STK32B: variants seen among roughly 807,000 people sequenced by gnomAD.
STK32B encodes the protein serine/threonine-protein kinase 32B.
In STK32B, 43 loss-of-function variants were observed where a neutral mutation model predicts 52.6. That is an observed-to-expected ratio of 0.82 (90% CI 0.64 to 1.05). STK32B has a LOEUF of 1.05. STK32B is among the 50% of genes least tolerant of loss of function. STK32B has a pLI of 0.00. For missense variants in STK32B, 621 were observed against 534.6 expected (o/e 1.16, Z -1.59); for synonymous variants, 238 against 204.3 (o/e 1.17, Z -1.41).
chr4:5,465,437 A>T (rs1417730176), intron 9 of STK32B, among the ~76,000 whole-genome samples: 1 of 152,098 alleles, frequency 6.6e-6, no homozygotes, highest in African/African-American at 2.4e-5. Context: ...ACTGGCTGGC[A>T]TCAAGCAGAT....
intron 3 of STK32B, among the ~76,000 whole-genome samples, chr4:5,295,362 T>G (rs1007649568): frequency 6.6e-6 from 1 of 152,156 alleles, no homozygotes; most frequent in African/African-American, 2.4e-5. Flanking sequence ...CAGTTCCTTT[T>G]TATACCTCTG....
intron 3 of STK32B, among the ~76,000 whole-genome samples, chr4:5,285,950 A>G (rs1728514044): frequency 6.6e-6 from 1 of 152,188 alleles, no homozygotes; most frequent in Non-Finnish European, 1.5e-5. Context: ...TGAGGTCATT[A>G]GGACCCTCAT....
At chr4:5,120,237 G>C (rs558277457) in intron 1 of STK32B, among the ~76,000 whole-genome samples, 2 of 152,252 alleles carry the variant, frequency 1.3e-5, no homozygotes, top group African/African-American at 4.8e-5. Flanking sequence ...GATGATCCAG[G>C]ATCACCTGAA....
chr4:5,433,381 C>T (rs990291109), intron 6 of STK32B, among the ~76,000 whole-genome samples: 6 of 152,034 alleles, frequency 3.9e-5, no homozygotes, highest in Non-Finnish European at 7.4e-5. Flanking sequence ...TGAGTTGTGC[C>T]CATGGGACCT....
chr4:5,140,970 A>G lies in STK32B; in HGVS notation c.108+1010A>G, dbSNP rs143747925. The stretch of plus-strand genomic sequence containing the variant: ...TGGTACATTAGATAATGATAAGTAC[A>G]TTAAAATACAGTAAGGTAAGGGGAA... On this transcript the variant is annotated intron_variant, in intron 2 of 11. Transcript: ENST00000282908. 4.9e-3 allele frequency among the ~76,000 whole-genome samples: 741 copies of G among 152,356 alleles called. 2 individuals are homozygous for G. The highest frequency in any genetic ancestry group is 0.016 in the African/African-American group (680 of 41,582).
chr4:5,390,536 T>C (rs1360767623), intron 4 of STK32B, among the ~76,000 whole-genome samples: 2 of 152,198 alleles, frequency 1.3e-5, no homozygotes, highest in East Asian at 3.9e-4. Flanking sequence ...AGCCTGGCCC[T>C]GCTCAGAGGG....
intron 1 of STK32B, among the ~76,000 whole-genome samples, chr4:5,096,501 C>CA (rs1713400792): frequency 7.4e-6 from 1 of 134,948 alleles, no homozygotes; most frequent in Admixed American, 7.2e-5. Flanking sequence ...TTCCAACGGT[C>CA]ACCACACACA....
At chr4:5,468,135 A>G in intron 11 of STK32B, 65 bp downstream of exon 11, 2 of 1,543,178 alleles carry the variant, frequency 1.3e-6, no homozygotes. Flanking sequence ...TCCTCCTGGC[A>G]GAATCACAGT....
upstream of STK32B, among the ~76,000 whole-genome samples, chr4:5,047,505 A>G (rs1741643161): frequency 6.6e-6 from 1 of 152,236 alleles, no homozygotes; most frequent in Non-Finnish European, 1.5e-5. Flanking sequence ...GGTCTGATTG[A>G]TGGTTAATAG....
intron 4 of STK32B, among the ~76,000 whole-genome samples, chr4:5,357,374 A>G (rs79335663): frequency 0.1 from 15,777 of 152,184 alleles, 1,299 homozygotes; most frequent in Admixed American, 0.22. Context: ...CATGGGGCTC[A>G]CAGTTGGCCT....
intron 3 of STK32B, among the ~76,000 whole-genome samples, chr4:5,205,709 T>A (rs62298540): frequency 6.8e-6 from 1 of 146,552 alleles, no homozygotes; most frequent in African/African-American, 2.6e-5. Context: ...CGCGCGTGTG[T>A]GTGTGTGTGT....
At chr4:5,222,451 G>A (rs1328176144) in intron 3 of STK32B, among the ~76,000 whole-genome samples, 1 of 152,168 alleles carries the variant, frequency 6.6e-6, no homozygotes, top group African/African-American at 2.4e-5. Context: ...TTACTAAGTG[G>A]TCATGATCAG....
In STK32B at chr4:5,240,312, G is replaced by C. The variant is rs1007642796; in HGVS notation, c.260+71862G>C. Among the ~76,000 whole-genome samples, 5 of 151,206 alleles carry C rather than the reference G, an allele frequency of 3.3e-5. No homozygotes were observed. In the East Asian group the frequency reaches 7.8e-4, roughly 24 times the overall value. On this transcript the variant is annotated intron_variant, in intron 3 of 11. Transcript: ENST00000282908. ...CTTTTTTTTTCTGCTTTTTTCACTT[G>C]TGTGTGTGTTTCAGTTTGGATACAA...
Position 5,453,904 on chromosome 4 carries a change from TAAA to T in STK32B, c.667-2896_667-2894del, listed in dbSNP as rs778044900. 6.8e-6 allele frequency among the ~76,000 whole-genome samples: 1 copy of T among 148,042 alleles called. No individual in the cohort carries two copies. Among genetic ancestry groups the T allele is most frequent in the East Asian group, 2.4e-4 (1 of 4,200 alleles). ...TAGGCGACAAGAGTGAAACTCCATC[TAAA>T]AAAAAAGAAGTCCAAAACTGAACTC... On this transcript the variant is annotated intron_variant, in intron 7 of 11. Coordinates refer to ENST00000282908, the MANE Select transcript of STK32B (RefSeq NM_018401.3). The surrounding 1 kb of genome is among the most constrained non-coding windows in gnomAD (Gnocchi z 4.0).
At position 5,179,886 on chromosome 4, in the gene STK32B, C is replaced by T. The variant is rs574925603; in HGVS notation, c.260+11436C>T. On this transcript the variant is annotated intron_variant, in intron 3 of 11. Transcript: ENST00000282908. Reference sequence around the variant, plus strand: ...AGCCACGAGTCACATTGAGCCCTGGCGGGTCCCATTTCTCCTGCCAGCTGA... The same window carrying T: ...AGCCACGAGTCACATTGAGCCCTGGTGGGTCCCATTTCTCCTGCCAGCTGA... Among the ~76,000 whole-genome samples, 9 of 152,308 alleles carry T rather than the reference C, an allele frequency of 5.9e-5. No homozygotes were observed. The South Asian group carries it at 1.5e-3, about 25-fold the overall frequency.
chr4:5,365,473 T>G (rs1314403428), intron 4 of STK32B, among the ~76,000 whole-genome samples: 1 of 152,230 alleles, frequency 6.6e-6, no homozygotes, highest in East Asian at 1.9e-4. Flanking sequence ...AAATATAACC[T>G]CTTTTTATTC....
Position 5,381,556 on chromosome 4 carries a change from C to G in STK32B, c.435-16651C>G, listed in dbSNP as rs183073130. 3.3e-5 allele frequency among the ~76,000 whole-genome samples: 5 copies of G among 152,340 alleles called. No individual in the cohort carries two copies. The East Asian group carries it at 9.7e-4, about 29-fold the overall frequency. On this transcript the variant is annotated intron_variant, in intron 4 of 11. Transcript: ENST00000282908. ...AGTGTGGCATGGAAAATGTGGTCAG[C>G]ACATGCTAGGGGCTGGCCATCTTTG...
intron 3 of STK32B, among the ~76,000 whole-genome samples, chr4:5,314,741 A>G (rs1278079738): frequency 6.6e-6 from 1 of 152,222 alleles, no homozygotes; most frequent in African/African-American, 2.4e-5. Context: ...GAGAAAAAAC[A>G]TCATAGGAGA....
At position 5,396,304 on chromosome 4, in the gene STK32B, C is replaced by G. The variant is rs893256695; in HGVS notation, c.435-1903C>G. ...TCACTCCAGTATCTGCTTCCATCTC[C>G]CCATGGCCTTCTTCTCTCCTGTGCC... On this transcript the variant is annotated intron_variant, in intron 4 of 11. Coordinates refer to ENST00000282908, the MANE Select transcript of STK32B (RefSeq NM_018401.3). This position sits in a 1 kb window ranked among gnomAD's most constrained non-coding sequence, Gnocchi z 4.7. Among the ~76,000 whole-genome samples, 6 of 152,138 alleles carry G rather than the reference C, an allele frequency of 3.9e-5. No individual in the cohort carries two copies. The highest frequency in any genetic ancestry group is 1.4e-4 in the African/African-American group (6 of 41,432).
Sources: gnomAD v4.1 joint callset for allele counts (sites outside exome capture counted in the v4.1 genomes callset) on GRCh38, gnomAD v4.1.1 for gene constraint, Gnocchi (gnomAD v3.1) non-coding constraint, MANE v1.5 for transcripts, NCBI Gene and HGNC (gene_info 2026-07-23, HGNC 2026-07-21) for gene names.